The following SHROOM3 variants were observed in gnomAD, a reference collection of about 807,000 sequenced individuals.
SHROOM3 encodes the protein protein Shroom3.
In SHROOM3, 47 loss-of-function variants were observed where a neutral mutation model predicts 138.6. The ratio of observed to expected loss-of-function variants is 0.34; its 90% CI spans 0.27 to 0.43. The LOEUF is 0.43. Ranked by LOEUF, SHROOM3 falls within the 20% of genes least tolerant of loss-of-function variation. SHROOM3 has a pLI of 1.00. For synonymous variants in SHROOM3, 1,062 were observed against 1,063.3 expected (o/e 1.00, Z 0.02); for missense variants, 2,491 against 2,596.5 (o/e 0.96, Z 0.88).
At chr4:76,498,827 T>C (rs1381909847) in intron 1 of SHROOM3, among the ~76,000 whole-genome samples, 2 of 152,074 alleles carry the variant, frequency 1.3e-5, no homozygotes, top group Non-Finnish European at 2.9e-5. Context: ...CAAACACAAA[T>C]TACACTCTTG....
At chr4:76,562,590 C>G (rs1440122456) in intron 2 of SHROOM3, among the ~76,000 whole-genome samples, 1 of 152,190 alleles carries the variant, frequency 6.6e-6, no homozygotes, top group Admixed American at 6.5e-5. Flanking sequence ...AGTGCCTTTT[C>G]CAGCTCATGG....
At chr4:76,716,112 G>C (rs1256813522) in intron 3 of SHROOM3, 1 of 280,184 alleles carries the variant, frequency 3.6e-6, no homozygotes, top group Non-Finnish European at 7.1e-6. Flanking sequence ...GCTCTTCTCA[G>C]GGAGTCATTA....
rs148888949 is a variant in SHROOM3, at chr4:76,766,270, C to T, written c.5350-4356C>T. On this transcript the variant is annotated intron_variant, in intron 9 of 10. Coordinates refer to ENST00000296043, the MANE Select transcript of SHROOM3 (RefSeq NM_020859.4). ...TTAATTAGACATTATTATTAGTTTTCGGCAGGTGTTATTTTCTTCTCGCTG... is the reference window on the plus strand; with the variant it reads ...TTAATTAGACATTATTATTAGTTTTTGGCAGGTGTTATTTTCTTCTCGCTG... 4.0e-3 allele frequency among the ~76,000 whole-genome samples: 607 copies of T among 152,300 alleles called. 1 individual carries two copies. Among genetic ancestry groups the T allele is most frequent in the Middle Eastern group, 0.014 (4 of 294 alleles).
intron 1 of SHROOM3, among the ~76,000 whole-genome samples, chr4:76,463,270 C>T (rs571615786): frequency 1.3e-5 from 2 of 152,296 alleles, no homozygotes; most frequent in South Asian, 4.1e-4. Context: ...TGTGCCCCTG[C>T]TCTAGAGATC....
intron 5 of SHROOM3, among the ~76,000 whole-genome samples, chr4:76,745,028 C>G (rs993020046): frequency 3.3e-5 from 5 of 152,220 alleles, no homozygotes; most frequent in African/African-American, 1.2e-4. Flanking sequence ...TTTGGCAGGT[C>G]TGGCCTCTCC....
chr4:76,610,375 C>G (rs774816908), intron 2 of SHROOM3, among the ~76,000 whole-genome samples: 5 of 152,122 alleles, frequency 3.3e-5, no homozygotes, highest in African/African-American at 1.2e-4. Flanking sequence ...GTGGCCATAG[C>G]TTCAGAATTT....
chr4:76,669,750 G>C (rs1363133042), intron 2 of SHROOM3, among the ~76,000 whole-genome samples: 2 of 152,158 alleles, frequency 1.3e-5, no homozygotes, highest in Admixed American at 6.5e-5. Flanking sequence ...TCTTTGGTCA[G>C]ATTTATATAG....
At chr4:76,491,030 A>G (rs1185889808) in intron 1 of SHROOM3, among the ~76,000 whole-genome samples, 4 of 152,314 alleles carry the variant, frequency 2.6e-5, no homozygotes, top group South Asian at 2.1e-4. Flanking sequence ...GTCACGAAAA[A>G]GTGGTATCGC....
rs78696390 is a variant in SHROOM3 at position 76,454,438 on chromosome 4, T to C, written c.168+18218T>C. Among the ~76,000 whole-genome samples, 859 of 152,338 alleles carry C rather than the reference T, an allele frequency of 5.6e-3. 6 individuals are homozygous for C. Among genetic ancestry groups the C allele is most frequent in the East Asian group, 0.041 (212 of 5,172 alleles). Reference sequence around the variant, plus strand: ...AACACATATTTCCTACTGAATGATCTTGGCACTCTTGTAGAAAATTATTTA... The same window carrying C: ...AACACATATTTCCTACTGAATGATCCTGGCACTCTTGTAGAAAATTATTTA... On this transcript the variant is annotated intron_variant, in intron 1 of 10. Coordinates refer to ENST00000296043, the MANE Select transcript of SHROOM3 (RefSeq NM_020859.4).
chr4:76,719,147 A>G (rs1234528919), intron 3 of SHROOM3, among the ~76,000 whole-genome samples: 1 of 152,128 alleles, frequency 6.6e-6, no homozygotes, highest in Non-Finnish European at 1.5e-5. Context: ...AGGGGCACAC[A>G]CAACATTTCT....
intron 2 of SHROOM3, among the ~76,000 whole-genome samples, chr4:76,642,760 G>C (rs1261791843): frequency 6.6e-6 from 1 of 152,048 alleles, no homozygotes; most frequent in African/African-American, 2.4e-5. Flanking sequence ...ATGAAGGAAT[G>C]GAAGCCAATA....
At chr4:76,658,094 C>A (rs149622384) in intron 2 of SHROOM3, among the ~76,000 whole-genome samples, 1 of 152,206 alleles carries the variant, frequency 6.6e-6, no homozygotes, top group South Asian at 2.1e-4. Flanking sequence ...CTCTTCCATG[C>A]ATTTTATAAT....
chr4:76,678,856 T>C (rs1356271049), intron 2 of SHROOM3, among the ~76,000 whole-genome samples: 2 of 152,162 alleles, frequency 1.3e-5, no homozygotes, highest in Non-Finnish European at 2.9e-5. Flanking sequence ...GAGACAGGGT[T>C]TCACCATGTT....
chr4:76,652,336 G>C (rs1735978977), intron 2 of SHROOM3, among the ~76,000 whole-genome samples: 2 of 152,148 alleles, frequency 1.3e-5, no homozygotes, highest in South Asian at 4.2e-4. Context: ...TTTGCCTCAA[G>C]GTTCAGACAG....
chr4:76,468,252 A>G (rs1731288519), intron 1 of SHROOM3, among the ~76,000 whole-genome samples: 1 of 152,242 alleles, frequency 6.6e-6, no homozygotes, highest in African/African-American at 2.4e-5. Flanking sequence ...AGAAATGTAA[A>G]TTAATACAGT....
rs559110471 is a variant in SHROOM3, at chr4:76,649,375, G to C, written c.324-60781G>C. Among the ~76,000 whole-genome samples the C allele has an allele frequency of 2.0e-5, 3 of 152,254 alleles. No individual in the cohort carries two copies. The East Asian group carries it at 5.8e-4, about 29-fold the overall frequency. ...AAAAGAACAAAGTCAGTCTTAAAAAGATCCCCCAAATCAAAGAGCTGCTTC... is the reference window on the plus strand; with the variant it reads ...AAAAGAACAAAGTCAGTCTTAAAAACATCCCCCAAATCAAAGAGCTGCTTC... On this transcript the variant is annotated intron_variant, in intron 2 of 10. Coordinates refer to ENST00000296043, the MANE Select transcript of SHROOM3 (RefSeq NM_020859.4).
At chr4:76,528,524 T>A (rs1732750842) in intron 1 of SHROOM3, among the ~76,000 whole-genome samples, 1 of 147,796 alleles carries the variant, frequency 6.8e-6, no homozygotes, top group African/African-American at 2.5e-5. Flanking sequence ...ATATAGGACT[T>A]CTCTCCTTTA....
At chr4:76,645,629 A>G (rs1302571185) in intron 2 of SHROOM3, 1 of 152,236 alleles carries the variant, frequency 6.6e-6, no homozygotes, top group Admixed American at 6.5e-5. Context: ...TTGTCTAAAT[A>G]AACTAGACTG....
chr4:76,586,972 T>A (rs1398415313), intron 2 of SHROOM3: 1 of 152,244 alleles, frequency 6.6e-6, no homozygotes, highest in East Asian at 1.9e-4. Context: ...GGTGAATCAA[T>A]GAATTGCACT....
Sources: allele counts gnomAD v4.1 joint callset (sites outside exome capture counted in the v4.1 genomes callset), GRCh38; gene constraint gnomAD v4.1.1; transcripts MANE v1.5; gene names NCBI Gene and HGNC (gene_info 2026-07-23, HGNC 2026-07-21).